Variants in ARIH1 observed in about 807,000 individuals in gnomAD.
The protein encoded by ARIH1 is ariadne RBR E3 ubiquitin protein ligase 1.
Under a neutral mutation model 85.0 loss-of-function variants are expected in ARIH1, and 8 were observed. That is an observed-to-expected ratio of 0.09 (90% CI 0.06 to 0.17). ARIH1 has a LOEUF of 0.17. Among genes scored for constraint, ARIH1 ranks in the 10% least tolerant of loss-of-function variants. The pLI is 1.00. For missense variants in ARIH1, 311 were observed against 718.1 expected (o/e 0.43, Z 6.48); for synonymous variants, 238 against 253.6 (o/e 0.94, Z 0.59).
At chr15:72,479,255 AAGTAT>A (rs2063805911) in intron 1 of ARIH1, among the ~76,000 whole-genome samples, 1 of 152,170 alleles carries the variant, frequency 6.6e-6, no homozygotes, top group Non-Finnish European at 1.5e-5. Context: ...TTCTGGTCTC[AAGTAT>A]TTTGGATAAG....
intron 5 of ARIH1, among the ~76,000 whole-genome samples, chr15:72,559,892 A>G (rs926669125): frequency 1.1e-4 from 17 of 152,180 alleles, no homozygotes; most frequent in Admixed American, 9.2e-4. Flanking sequence ...TAATGGTTCC[A>G]TTATATGGAC....
In ARIH1 at chr15:72,589,774, C is replaced by G. The variant is rs1430191227; in HGVS notation, c.*6482C>G. 2.0e-5 allele frequency: 3 copies of G among 152,278 alleles called. No individual in the cohort carries two copies. Among genetic ancestry groups the G allele is most frequent in the South Asian group, 2.1e-4 (1 of 4,824 alleles). 9.4% of individuals were successfully genotyped at this position (152,278 alleles called of 1,614,324 possible). A position where few individuals can be genotyped will look rare whatever the true frequency, so the allele number is the denominator to read the frequency against. On this transcript the variant is annotated 3_prime_UTR_variant, in exon 14 of 14. Transcript: ENST00000379887. ...GTAATGAATTGGTATATGGTAGATA[C>G]TCGTGGCTACTTAGTATTTACCAAA...
chr15:72,573,547 G>A (rs576086565), intron 11 of ARIH1, among the ~76,000 whole-genome samples: 15 of 151,794 alleles, frequency 9.9e-5, no homozygotes, highest in Non-Finnish European at 1.6e-4. Flanking sequence ...AGACTCTGTC[G>A]CTAAATAAAT....
chr15:72,560,927 T>TA (rs1393308499), intron 5 of ARIH1, among the ~76,000 whole-genome samples: 1 of 152,202 alleles, frequency 6.6e-6, no homozygotes, highest in African/African-American at 2.4e-5. Flanking sequence ...TCTTGTGAGT[T>TA]ATAGTGTTCA....
At chr15:72,569,125 A>G (rs1231813902) in intron 9 of ARIH1, among the ~76,000 whole-genome samples, 1 of 152,126 alleles carries the variant, frequency 6.6e-6, no homozygotes, top group Non-Finnish European at 1.5e-5. Flanking sequence ...CCTGGGCAAC[A>G]TGGTGAAACC....
intron 2 of ARIH1, among the ~76,000 whole-genome samples, chr15:72,519,668 G>C (rs7161998): frequency 1.3e-5 from 2 of 151,522 alleles, no homozygotes; most frequent in Admixed American, 1.3e-4. Context: ...ATTTTTATTA[G>C]AAATGAGGTT....
intron 2 of ARIH1, 38 bp downstream of exon 2, chr15:72,518,172 A>G (rs752664302): frequency 1.4e-5 from 22 of 1,530,868 alleles, no homozygotes; most frequent in Middle Eastern, 1.7e-4. Context: ...CTTAGAAGTA[A>G]CACAGAAAGC....
intron 9 of ARIH1, among the ~76,000 whole-genome samples, chr15:72,569,619 A>G (rs73444802): frequency 0.038 from 5,830 of 152,272 alleles, 334 homozygotes; most frequent in African/African-American, 0.13. Flanking sequence ...CACTATAAGA[A>G]TTATGAGTTG....
At chr15:72,563,788 C>G (rs1266283844) in intron 7 of ARIH1, among the ~76,000 whole-genome samples, 1 of 152,074 alleles carries the variant, frequency 6.6e-6, no homozygotes, top group Admixed American at 6.6e-5. Context: ...TTAATGGGAG[C>G]AAACTTGTAG....
chr15:72,560,272 G>A (rs908506915), intron 5 of ARIH1, among the ~76,000 whole-genome samples: 3 of 152,154 alleles, frequency 2.0e-5, no homozygotes, highest in African/African-American at 7.2e-5. Context: ...TAAAGTAGAT[G>A]TTTAAGGTGC....
rs563908836 is a variant in ARIH1, at chr15:72,582,708, C to T, written c.1590-500C>T. Among the ~76,000 whole-genome samples, 10 of 152,050 alleles carry T rather than the reference C, an allele frequency of 6.6e-5. No individual in the cohort carries two copies. Among genetic ancestry groups the T allele is most frequent in the African/African-American group, 2.4e-4 (10 of 41,498 alleles). ...TATTTCTCAACATGAAGCTCTTTCT[C>T]CCAAAGTGACAAATGCTAGTGTCTT... On this transcript the variant is annotated intron_variant, in intron 13 of 13. Coordinates refer to ENST00000379887, the MANE Select transcript of ARIH1 (RefSeq NM_005744.5). The surrounding 1 kb of genome is among the most constrained non-coding windows in gnomAD (Gnocchi z 4.6).
intron 1 of ARIH1, among the ~76,000 whole-genome samples, chr15:72,490,170 C>T (rs1033469038): frequency 8.0e-5 from 12 of 150,394 alleles, no homozygotes; most frequent in African/African-American, 2.9e-4. Flanking sequence ...TGAGACCAGC[C>T]TGGGCAACAT....
At chr15:72,565,574 A>G (rs1010683085) in intron 7 of ARIH1, among the ~76,000 whole-genome samples, 4 of 152,236 alleles carry the variant, frequency 2.6e-5, no homozygotes, top group African/African-American at 4.8e-5. Context: ...TACTGTTTCG[A>G]TAAAGATTAA....
chr15:72,520,818 G>A (rs1454933628), intron 2 of ARIH1, among the ~76,000 whole-genome samples: 1 of 151,902 alleles, frequency 6.6e-6, no homozygotes, highest in Non-Finnish European at 1.5e-5. Context: ...GTCCCTATCA[G>A]CTTGATAAGT....
intron 2 of ARIH1, among the ~76,000 whole-genome samples, chr15:72,537,654 A>G (rs769518790): frequency 4.6e-5 from 7 of 152,336 alleles, no homozygotes; most frequent in South Asian, 2.1e-4. Flanking sequence ...CCTTAAATGT[A>G]CATTTTCTAA....
At position 72,566,973 on chromosome 15, in the gene ARIH1, A is replaced by G. The variant is rs552768867; in HGVS notation, c.955-133A>G. On this transcript the variant is annotated intron_variant, in intron 8 of 13. Transcript: ENST00000379887. ...TGTAGCTATGGGATTTCCCTGGCTT[A>G]AGAGGATGTGAGCCTAGTGATAATC... is the stretch of plus-strand genomic sequence containing the variant. 49 of 650,966 alleles carry G rather than the reference A, an allele frequency of 7.5e-5. No homozygotes were observed. In the South Asian group the frequency reaches 9.2e-4, roughly 12 times the overall value. 40.3% of individuals were successfully genotyped at this position (650,966 alleles called of 1,614,324 possible).
intron 1 of ARIH1, among the ~76,000 whole-genome samples, chr15:72,505,605 C>G (rs993610185): frequency 2.0e-5 from 3 of 152,144 alleles, no homozygotes; most frequent in Non-Finnish European, 2.9e-5. Flanking sequence ...ATGGGTATTT[C>G]TAGGTCCTAG....
intron 11 of ARIH1, among the ~76,000 whole-genome samples, chr15:72,578,172 ATCC>A (rs1398261326): frequency 6.6e-6 from 1 of 152,128 alleles, no homozygotes; most frequent in Non-Finnish European, 1.5e-5. Context: ...TCTTTGCCAT[ATCC>A]ACAGTCTCTT....
chr15:72,546,109 T>C (rs1302727704), intron 3 of ARIH1, among the ~76,000 whole-genome samples: 1 of 152,138 alleles, frequency 6.6e-6, no homozygotes, highest in African/African-American at 2.4e-5. Context: ...GCACAGTCAG[T>C]GTACTACAGC....
Sources: gnomAD v4.1 joint callset for allele counts (sites outside exome capture counted in the v4.1 genomes callset) on GRCh38, gnomAD v4.1.1 for gene constraint, Gnocchi (gnomAD v3.1) non-coding constraint, MANE v1.5 for transcripts, NCBI Gene and HGNC (gene_info 2026-07-23, HGNC 2026-07-21) for gene names.